Variants in PIGT observed in about 807,000 individuals in gnomAD.
PIGT encodes phosphatidylinositol glycan anchor biosynthesis class T.
In PIGT, 57 loss-of-function variants were observed where a neutral mutation model predicts 66.7. The ratio of observed to expected loss-of-function variants is 0.86; its 90% CI spans 0.69 to 1.07. The LOEUF is 1.07. Among genes scored for constraint, PIGT ranks in the 50% least tolerant of loss-of-function variants. The probability of loss-of-function intolerance (pLI) is 0.00; values close to 1 mark genes in which losing one functional copy is unlikely to be tolerated. For synonymous variants in PIGT, 362 were observed against 320.5 expected (o/e 1.13, Z -1.38); for missense variants, 725 against 740.4 (o/e 0.98, Z 0.24).
chr20:45,421,231 G>A (rs1029638259), intron 8 of PIGT, 152 bp from the exon 9 acceptor site: 1 of 634,040 alleles, frequency 1.6e-6, no homozygotes. Context: ...GGAAGACAGG[G>A]ATGATTCCAG....
At position 45,419,216 on chromosome 20, in the gene PIGT, G is replaced by A. The variant is rs778696287; in HGVS notation, c.494-79G>A. 38 of 1,256,448 alleles carry A rather than the reference G, an allele frequency of 3.0e-5. 1 individual carries two copies. Among genetic ancestry groups the A allele is most frequent in the African/African-American group, 1.5e-5 (1 of 68,074 alleles). The allele number at this position is 1,256,448 out of a possible 1,614,324, so 77.8% of individuals were successfully genotyped here. A position where few individuals can be genotyped will look rare whatever the true frequency, so the allele number is the denominator to read the frequency against. On this transcript the variant is annotated intron_variant, in intron 3 of 11. Coordinates refer to ENST00000279036, the MANE Select transcript of PIGT (RefSeq NM_015937.6). ...TAGAGGTGGTGTGGGGAGCAGGAGGGTCATTCCCATCTCTGGAATGTGGAT... is the reference window on the plus strand; with the variant it reads ...TAGAGGTGGTGTGGGGAGCAGGAGGATCATTCCCATCTCTGGAATGTGGAT...
chr20:45,424,034 G>A, intron 9 of PIGT, 182 bp from the exon 10 acceptor site: 1 of 613,198 alleles, frequency 1.6e-6, no homozygotes, highest in Non-Finnish European at 2.9e-6. Flanking sequence ...TGGGATCACT[G>A]CCCTGGAAAC....
chr20:45,422,719 C>T (rs1018574080), intron 9 of PIGT: 1 of 152,182 alleles, frequency 6.6e-6, no homozygotes, highest in African/African-American at 2.4e-5. Flanking sequence ...GTGTAAGCCG[C>T]TGCCTGCTGG....
rs772097684 is a variant in PIGT at position 45,419,494 on chromosome 20, TCTC to T, written c.595-5_595-3del. ...ACAGGGCTTCTCTTATCTCTTTCCA[TCTC>T]CTCCAGGCAGGCCTCTCTGTGCTGC... is the stretch of plus-strand genomic sequence containing the variant. On this transcript the variant is annotated splice_polypyrimidine_tract_variant and splice_region_variant and intron_variant, in intron 4 of 11. Transcript: ENST00000279036. 13 of 1,613,956 alleles carry T rather than the reference TCTC, an allele frequency of 8.1e-6. No homozygotes were observed. The highest frequency in any genetic ancestry group is 6.6e-5 in the South Asian group (6 of 91,084).
In PIGT at chr20:45,425,937, TG is replaced by T; in HGVS notation, c.*113del. ...AGTTGGCTTTTGAACCAAAGTGCCC[TG>T]GACCAGGTCAGGGCCTACAGCTGTG... is the stretch of plus-strand genomic sequence containing the variant. On this transcript the variant is annotated 3_prime_UTR_variant, in exon 12 of 12. Coordinates refer to ENST00000279036, the MANE Select transcript of PIGT (RefSeq NM_015937.6). 7.8e-7 allele frequency: 1 copy of T among 1,276,200 alleles called. No homozygotes were observed. Among genetic ancestry groups the T allele is most frequent in the Non-Finnish European group, 1.1e-6 (1 of 936,578 alleles). 79.1% of individuals were successfully genotyped at this position (1,276,200 alleles called of 1,614,324 possible).
chr20:45,420,102 C>G (rs376790252), intron 5 of PIGT, 34 bp from the exon 6 acceptor site: 2 of 1,468,448 alleles, frequency 1.4e-6, no homozygotes, highest in East Asian at 2.3e-5. Context: ...GAGAGTGATA[C>G]CCCCTCACTG....
intron 5 of PIGT, 95 bp from the exon 6 acceptor site, chr20:45,420,041 C>A: frequency 2.3e-6 from 2 of 860,086 alleles, no homozygotes; most frequent in Admixed American, 2.1e-5. Flanking sequence ...TGTGAAGATA[C>A]ATAGATGAGG....
intron 5 of PIGT, 167 bp from the exon 6 acceptor site, chr20:45,419,969 T>C (rs758093405): frequency 3.2e-6 from 2 of 618,778 alleles, no homozygotes; most frequent in Non-Finnish European, 5.8e-6. Context: ...CACATACAGC[T>C]GTCAGCACGG....
At chr20:45,418,465 G>A (rs1205984008) in intron 2 of PIGT, 1 of 287,934 alleles carries the variant, frequency 3.5e-6, no homozygotes, top group Non-Finnish European at 6.7e-6. Flanking sequence ...AAGATGCTTG[G>A]ATGGTCAGAA....
chr20:45,419,594 A>C lies in PIGT; in HGVS notation c.681+4A>C. 1 of 1,598,410 alleles carries C rather than the reference A, an allele frequency of 6.3e-7. No individual in the cohort carries two copies. Among genetic ancestry groups the C allele is most frequent in the Non-Finnish European group, 8.6e-7 (1 of 1,165,662 alleles). ...GCATATCCGCCCTGTTTGCAGAGTA[A>C]GTCATGGGGAGTAGAGGAAGCTGCC... is the stretch of plus-strand genomic sequence containing the variant. On this transcript the variant is annotated splice_donor_region_variant and intron_variant, in intron 5 of 11. Coordinates refer to ENST00000279036, the MANE Select transcript of PIGT (RefSeq NM_015937.6).
rs1306578114 is a variant in PIGT, at chr20:45,421,438, G to A, written c.1089G>A (p.Leu363=). 9.3e-6 allele frequency: 15 copies of A among 1,614,210 alleles called. No homozygotes were observed. The highest frequency in any genetic ancestry group is 1.2e-5 in the Non-Finnish European group (14 of 1,180,028). ...HAQRYVSGYG[L]QKGELSTLLY... ...AGCGGTACGTGAGTGGCTATGGGCT[G>A]CAGAAGGGGGAGCTGAGCACACTGC... Residue 363 remains leucine, a synonymous_variant, in exon 9 of 12, where the codon CTG becomes CTA. Coordinates refer to ENST00000279036, the MANE Select transcript of PIGT (RefSeq NM_015937.6).
At chr20:45,418,091 C>T (rs1990100170) in intron 2 of PIGT, 1 of 152,362 alleles carries the variant, frequency 6.6e-6, no homozygotes, top group Non-Finnish European at 1.5e-5. Flanking sequence ...GATATTTCTC[C>T]AAGAAAAGAA....
In PIGT at chr20:45,420,318, G is replaced by C; in HGVS notation, c.770-14G>C. 6.2e-7 allele frequency: 1 copy of C among 1,608,968 alleles called. No homozygotes were observed. The highest frequency in any genetic ancestry group is 2.2e-5 in the East Asian group (1 of 44,806). ...AGGCCTGGCCCCTGCTCAGCCCTGC[G>C]CTCTGTTTCTCAGACTGGTCCCTCT... is the stretch of plus-strand genomic sequence containing the variant. On this transcript the variant is annotated splice_polypyrimidine_tract_variant and intron_variant, in intron 6 of 11. Transcript: ENST00000279036.
rs755611086 is a variant in PIGT at position 45,420,533 on chromosome 20, C to T, written c.873C>T (p.Asn291=). 24 of 1,613,778 alleles carry T rather than the reference C, an allele frequency of 1.5e-5. No individual in the cohort carries two copies. Among genetic ancestry groups the T allele is most frequent in the South Asian group, 3.3e-5 (3 of 91,066 alleles). ...YVDITTYNQD[N]ETLEVHPPPT... is the part of the protein sequence containing the mutation. Reference sequence around the variant, plus strand: ...CCCTGCCTTTGTGTCCCCAGGACAACGAGACATTAGAGGTGCACCCACCCC... The same window carrying T: ...CCCTGCCTTTGTGTCCCCAGGACAATGAGACATTAGAGGTGCACCCACCCC... Residue 291 remains asparagine, a synonymous_variant, in exon 8 of 12, where the codon AAC becomes AAT. Coordinates refer to ENST00000279036, the MANE Select transcript of PIGT (RefSeq NM_015937.6).
chr20:45,418,584 A>G, intron 2 of PIGT: 1 of 416,512 alleles, frequency 2.4e-6, no homozygotes, highest in Non-Finnish European at 4.5e-6. Flanking sequence ...AAGTTAGCAA[A>G]GGCTTGCAAG....
chr20:45,419,263 G>A (rs757193119), intron 3 of PIGT, 32 bp from the exon 4 acceptor site: 3 of 1,572,150 alleles, frequency 1.9e-6, no homozygotes, highest in Non-Finnish European at 1.7e-6. Flanking sequence ...AGAGCCCAAG[G>A]CCCACCCCAG....
intron 8 of PIGT, 200 bp from the exon 9 acceptor site, chr20:45,421,183 A>G (rs990953272): frequency 1.7e-5 from 10 of 596,182 alleles, no homozygotes; most frequent in Middle Eastern, 4.4e-4. Context: ...AAGCACTTCA[A>G]TACTAGCAAC....
chr20:45,424,689 A>C, intron 11 of PIGT, 110 bp downstream of exon 11: 1 of 737,634 alleles, frequency 1.4e-6, no homozygotes, highest in Non-Finnish European at 2.4e-6. Flanking sequence ...CATCTTCCAA[A>C]GAGATGTGTA....
At position 45,419,383 on chromosome 20, in the gene PIGT, C is replaced by G. The variant is rs1420724910; in HGVS notation, c.582C>G (p.Pro194=). 1 of 1,613,580 alleles carries G rather than the reference C, an allele frequency of 6.2e-7. No individual in the cohort carries two copies. Among genetic ancestry groups the G allele is most frequent in the African/African-American group, 1.3e-5 (1 of 74,986 alleles). The change falls in exon 4 of 12, where the codon CCC becomes CCG. Residue 194 remains proline, a synonymous_variant. Coordinates refer to ENST00000279036, the MANE Select transcript of PIGT (RefSeq NM_015937.6). Reference sequence around the variant, plus strand: ...TCACCCCCTGGAAGAAGCTCTTGCCCTGTAGTTCCAAGGTGAGGCCGCAGA... The same window carrying G: ...TCACCCCCTGGAAGAAGCTCTTGCCGTGTAGTTCCAAGGTGAGGCCGCAGA... The part of the protein sequence containing the change: ...ENLTPWKKLL[P]CSSKAGLSVL...
Sources: allele counts gnomAD v4.1 joint callset, GRCh38; gene constraint gnomAD v4.1.1; transcripts MANE v1.5; gene names NCBI Gene and HGNC (gene_info 2026-07-23, HGNC 2026-07-21).